The following CCDC102B variants were observed in gnomAD, a reference collection of about 807,000 sequenced individuals.
CCDC102B encodes the protein coiled-coil domain containing 102B.
CCDC102B carries 75 observed loss-of-function variants against 57.4 expected under a neutral mutation model. That is an observed-to-expected ratio of 1.31 (90% confidence interval 1.08 to 1.58). The LOEUF (loss-of-function observed/expected upper bound fraction) is 1.58. Ranked by LOEUF, CCDC102B falls within the 40% of genes most tolerant of loss-of-function variation. The probability of loss-of-function intolerance (pLI) is 0.00; values close to 1 mark genes in which losing one functional copy is unlikely to be tolerated. For synonymous variants in CCDC102B, 206 were observed against 201.9 expected, an observed-to-expected ratio of 1.02 and a Z score of -0.17; for missense variants, 636 against 582.6, an observed-to-expected ratio of 1.09 and a Z score of -0.94.
intron 7 of CCDC102B, among the ~76,000 whole-genome samples, chr18:69,034,164 C>T (rs574717760): frequency 6.6e-6 from 1 of 151,960 alleles, no homozygotes; most frequent in Admixed American, 6.6e-5. Context: ...ATTGAATTGT[C>T]TTTCCACTTT....
At chr18:68,840,976 A>G (rs1183335296) in intron 3 of CCDC102B, among the ~76,000 whole-genome samples, 1 of 152,188 alleles carries the variant, frequency 6.6e-6, no homozygotes, top group Non-Finnish European at 1.5e-5. Context: ...GAAGCTTTCC[A>G]TGGCTTTGTC....
At position 68,868,794 on chromosome 18, in the gene CCDC102B, C is replaced by G. The variant is rs185883357; in HGVS notation, c.937-5875C>G. 2.0e-3 allele frequency among the ~76,000 whole-genome samples: 299 copies of G among 152,128 alleles called. 1 individual carries two copies. The highest frequency in any genetic ancestry group is 3.5e-3 in the Non-Finnish European group (241 of 67,986). On this transcript the variant is annotated intron_variant, in intron 4 of 7. Transcript: ENST00000360242. ...ACCAAGGTCAATATGATCACAATTT[C>G]AAAAAATGACTCAAACTCAGTGTGA...
intron 6 of CCDC102B, among the ~76,000 whole-genome samples, chr18:68,958,700 G>C (rs895460437): frequency 1.3e-5 from 2 of 150,998 alleles, no homozygotes; most frequent in South Asian, 2.1e-4. Flanking sequence ...TTTTTCTTCT[G>C]TCTTCTCTGA....
At chr18:68,912,651 A>C (rs890509667) in intron 6 of CCDC102B, among the ~76,000 whole-genome samples, 5 of 152,222 alleles carry the variant, frequency 3.3e-5, no homozygotes, top group Admixed American at 2.6e-4. Context: ...GTTAAGAGGC[A>C]ACTAATAAAT....
intron 6 of CCDC102B, among the ~76,000 whole-genome samples, chr18:68,987,159 G>T (rs1368017753): frequency 1.3e-5 from 2 of 152,246 alleles, no homozygotes; most frequent in East Asian, 1.9e-4. Flanking sequence ...CACACTACTA[G>T]ACTTCAAACT....
chr18:68,883,836 A>G (rs902731391), intron 5 of CCDC102B, among the ~76,000 whole-genome samples: 6 of 152,350 alleles, frequency 3.9e-5, no homozygotes, highest in African/African-American at 9.6e-5. Context: ...AAGCTCCACT[A>G]TCTTTACTTA....
intron 2 of CCDC102B, among the ~76,000 whole-genome samples, chr18:68,782,046 T>A (rs1382037481): frequency 4.6e-5 from 7 of 152,142 alleles, no homozygotes; most frequent in Admixed American, 3.9e-4. Flanking sequence ...TTTCAGTGAA[T>A]AGGAATGCAA....
In CCDC102B at chr18:68,733,300, CAG is replaced by C. The variant is rs904138559; in HGVS notation, c.-67+16707_-67+16708del. Among the ~76,000 whole-genome samples, 17 of 151,956 alleles carry C rather than the reference CAG, an allele frequency of 1.1e-4. 1 individual carries two copies. The South Asian group carries it at 1.5e-3, about 13-fold the overall frequency. On this transcript the variant is annotated intron_variant, in intron 2 of 3. Coordinates refer to the CCDC102B transcript ENST00000578970. ...AACAGCCAATTAAAACATTAAAGAA[CAG>C]GGGAGAAATGTCATCGCATCTTGGT...
At chr18:68,949,850 G>T (rs530640269) in intron 6 of CCDC102B, among the ~76,000 whole-genome samples, 22 of 152,204 alleles carry the variant, frequency 1.4e-4, no homozygotes, top group Admixed American at 4.6e-4. Context: ...CACCCATTAT[G>T]AAATTGTGGC....
At chr18:68,955,836 G>A (rs570424276) in intron 6 of CCDC102B, among the ~76,000 whole-genome samples, 72 of 151,958 alleles carry the variant, frequency 4.7e-4, no homozygotes, top group African/African-American at 1.7e-3. Flanking sequence ...TTTGATACAG[G>A]CTAAATGTGT....
At chr18:68,920,127 C>G (rs535546360) in intron 6 of CCDC102B, among the ~76,000 whole-genome samples, 4 of 152,072 alleles carry the variant, frequency 2.6e-5, no homozygotes, top group African/African-American at 9.7e-5. Flanking sequence ...ACCCTCCACC[C>G]TTCGACAGGC....
At chr18:68,765,293 A>AAAGGAAGG (rs149557152) in intron 2 of CCDC102B, among the ~76,000 whole-genome samples, 31 of 104,190 alleles carry the variant, frequency 3.0e-4, no homozygotes, top group Non-Finnish European at 4.3e-4. Flanking sequence ...GAAAAGAAAG[A>AAAGGAAGG]AAGGAAGGAA....
At chr18:68,955,623 C>CTT (rs201246585) in intron 6 of CCDC102B, among the ~76,000 whole-genome samples, 9 of 150,024 alleles carry the variant, frequency 6.0e-5, no homozygotes, top group East Asian at 3.9e-4. Flanking sequence ...TCACCTTTTC[C>CTT]TTTTTTGTTT....
intron 2 of CCDC102B, among the ~76,000 whole-genome samples, chr18:68,757,045 C>G (rs2034076421): frequency 6.6e-6 from 1 of 152,130 alleles, no homozygotes; most frequent in African/African-American, 2.4e-5. Flanking sequence ...CATCACTTTT[C>G]TATCTAAAAA....
intron 6 of CCDC102B, among the ~76,000 whole-genome samples, chr18:68,952,005 A>G (rs1474740164): frequency 6.6e-6 from 1 of 152,168 alleles, no homozygotes; most frequent in East Asian, 1.9e-4. Flanking sequence ...TAAATTCTAA[A>G]GAATACTAAT....
At chr18:68,988,206 G>A (rs532061923) in intron 6 of CCDC102B, among the ~76,000 whole-genome samples, 3 of 151,538 alleles carry the variant, frequency 2.0e-5, no homozygotes, top group African/African-American at 7.3e-5. Flanking sequence ...GGAATACTAT[G>A]CAGCCATAAA....
At chr18:68,976,005 C>G (rs1414061900) in intron 6 of CCDC102B, among the ~76,000 whole-genome samples, 1 of 151,932 alleles carries the variant, frequency 6.6e-6, no homozygotes, top group Admixed American at 6.6e-5. Flanking sequence ...ATACAGATGC[C>G]TTTCACAGAT....
chr18:68,833,152 G>T (rs533990385), intron 1 of CCDC102B, among the ~76,000 whole-genome samples: 1 of 152,242 alleles, frequency 6.6e-6, no homozygotes, highest in East Asian at 1.9e-4. Context: ...TGAAAAGGTG[G>T]TAGCTCAGGA....
chr18:68,974,494 T>C (rs2050382618), intron 6 of CCDC102B, among the ~76,000 whole-genome samples: 1 of 152,028 alleles, frequency 6.6e-6, no homozygotes, highest in Non-Finnish European at 1.5e-5. Context: ...TCTGTCCACC[T>C]TTTTTTCTAT....
Sources: allele counts gnomAD v4.1 joint callset (sites outside exome capture counted in the v4.1 genomes callset), GRCh38; gene constraint gnomAD v4.1.1; transcripts MANE v1.5; gene names NCBI Gene and HGNC (gene_info 2026-07-23, HGNC 2026-07-21).